The following SCAMP1 variants were observed in gnomAD, a reference collection of about 807,000 sequenced individuals.
SCAMP1 encodes secretory carrier-associated membrane protein 1.
A neutral mutation model predicts 41.8 loss-of-function variants in SCAMP1; 15 were observed. That is an observed-to-expected ratio of 0.36 (90% confidence interval 0.24 to 0.55). SCAMP1 has a LOEUF of 0.55. SCAMP1 is among the 20% of genes least tolerant of loss of function. The pLI is 0.86. For synonymous variants in SCAMP1, 135 were observed against 136.8 expected (o/e 0.99, Z 0.09); for missense variants, 341 against 412.6 (o/e 0.83, Z 1.50).
chr5:78,362,752 G>A (rs563685925), intron 1 of SCAMP1, among the ~76,000 whole-genome samples: 38 of 151,998 alleles, frequency 2.5e-4, no homozygotes, highest in Middle Eastern at 3.4e-3. Flanking sequence ...ACAAAGTATA[G>A]TTTTATATCT....
chr5:78,370,171 C>T (rs777381803), intron 1 of SCAMP1, among the ~76,000 whole-genome samples: 7 of 152,124 alleles, frequency 4.6e-5, no homozygotes, highest in Admixed American at 1.3e-4. Flanking sequence ...ATTGCTAAAC[C>T]GTAAGTGTAA....
chr5:78,447,865 CCCTTCCCCTACCCCT>C (rs1753094064), intron 6 of SCAMP1, among the ~76,000 whole-genome samples: 2 of 37,092 alleles, frequency 5.4e-5, no homozygotes, highest in African/African-American at 1.2e-4. Context: ...TCCCCTGCCC[CCCTTCCCCTACCCCT>C]TCCTCCCCCT....
At chr5:78,369,259 G>C (rs535872731) in intron 1 of SCAMP1, among the ~76,000 whole-genome samples, 5 of 151,966 alleles carry the variant, frequency 3.3e-5, no homozygotes, top group African/African-American at 1.2e-4. Flanking sequence ...GGCGTGCACC[G>C]CCACACCTGG....
intron 6 of SCAMP1, among the ~76,000 whole-genome samples, chr5:78,443,409 T>C (rs944880835): frequency 1.3e-5 from 2 of 152,054 alleles, no homozygotes; most frequent in African/African-American, 4.8e-5. Flanking sequence ...GTGTTTGACA[T>C]AGTGCTTGGC....
Position 78,449,944 on chromosome 5 carries a change from C to A in SCAMP1, c.644C>A (p.Ser215Ter), listed in dbSNP as rs751717405. 3 of 1,496,792 alleles carry A rather than the reference C, an allele frequency of 2.0e-6. No homozygotes were observed. Among genetic ancestry groups the A allele is most frequent in the Non-Finnish European group, 2.7e-6 (3 of 1,114,670 alleles). The allele number at this position is 1,496,792 out of a possible 1,614,324, so 92.7% of individuals were successfully genotyped here. A position where few individuals can be genotyped will look rare whatever the true frequency, so the allele number is the denominator to read the frequency against. The change falls in exon 7 of 9, where the codon TCA becomes TAA. Residue 215 changes from serine (S) to a stop codon, truncating the protein, a stop_gained. Transcript: ENST00000621999. LOFTEE classifies it high-confidence loss of function. ...TTTTTTTTTCAAAGGAGTGACAGTT[C>A]ATTTAGATTCTTTGTATTCTTCTTC... ...PLYGAFRSDS[S>*]FRFFVFFFVY...
intron 7 of SCAMP1, among the ~76,000 whole-genome samples, chr5:78,456,193 T>C (rs1753394811): frequency 8.0e-6 from 1 of 125,012 alleles, no homozygotes; most frequent in African/African-American, 3.2e-5. Context: ...CATTTAAAGT[T>C]AATATTGTTA....
chr5:78,397,169 A>G (rs552020502), intron 2 of SCAMP1, among the ~76,000 whole-genome samples: 2 of 152,352 alleles, frequency 1.3e-5, no homozygotes, highest in South Asian at 2.1e-4. Flanking sequence ...CTGACAGCCC[A>G]GAAATAAACA....
At chr5:78,429,274 A>AT (rs549909589) in intron 6 of SCAMP1, among the ~76,000 whole-genome samples, 4,175 of 139,040 alleles carry the variant, frequency 0.03, 72 homozygotes, top group South Asian at 0.039. Context: ...TTGACTGTAG[A>AT]TTTTTTTTTT....
At chr5:78,400,869 G>A (rs958505986) in intron 2 of SCAMP1, among the ~76,000 whole-genome samples, 8 of 152,106 alleles carry the variant, frequency 5.3e-5, no homozygotes, top group Middle Eastern at 3.4e-3. Context: ...AGGACTTCTA[G>A]TACAATGTTG....
chr5:78,378,175 A>G (rs1208938848), intron 1 of SCAMP1, among the ~76,000 whole-genome samples: 1 of 152,208 alleles, frequency 6.6e-6, no homozygotes, highest in Non-Finnish European at 1.5e-5. Context: ...GATACTAATC[A>G]TGAAACCCAA....
At chr5:78,431,534 C>CTTTTTTTTTTTTTTTTTTTTTTTTTT (rs11380148) in intron 6 of SCAMP1, among the ~76,000 whole-genome samples, 2 of 121,264 alleles carry the variant, frequency 1.6e-5, no homozygotes, top group Non-Finnish European at 3.4e-5. Flanking sequence ...TTCTTTTTGC[C>CTTTTTTTTTTTTTTTTTTTTTTTTTT]TTTTTTTTTT....
chr5:78,373,342 G>C (rs1456566613), intron 1 of SCAMP1, among the ~76,000 whole-genome samples: 1 of 151,994 alleles, frequency 6.6e-6, no homozygotes, highest in Non-Finnish European at 1.5e-5. Context: ...CAAGCTTTGG[G>C]AATACATTAA....
At position 78,399,733 on chromosome 5, in the gene SCAMP1, C is replaced by A. The variant is rs189224602; in HGVS notation, c.135+10819C>A. On this transcript the variant is annotated intron_variant, in intron 2 of 8. Coordinates refer to ENST00000621999, the MANE Select transcript of SCAMP1 (RefSeq NM_004866.6). ...TTTATCAGATGAGAATATTTTCTCC[C>A]AGTCTGTGGTTTCTGTTCTCATTCT... Among the ~76,000 whole-genome samples the A allele has an allele frequency of 6.0e-4, 92 of 152,214 alleles. 1 individual carries two copies. Among genetic ancestry groups the A allele is most frequent in the African/African-American group, 2.1e-3 (89 of 41,534 alleles).
intron 2 of SCAMP1, among the ~76,000 whole-genome samples, chr5:78,411,442 G>A (rs1473466262): frequency 6.6e-6 from 1 of 152,112 alleles, no homozygotes; most frequent in African/African-American, 2.4e-5. Flanking sequence ...AAAAATACAA[G>A]AAAATGCTCT....
chr5:78,452,829 C>G (rs1431595595), intron 7 of SCAMP1, among the ~76,000 whole-genome samples: 1 of 147,082 alleles, frequency 6.8e-6, no homozygotes, highest in African/African-American at 2.6e-5. Flanking sequence ...TCCTATTTCT[C>G]CACATCCTCT....
chr5:78,423,016 G>GCACACA (rs57059961), intron 6 of SCAMP1, among the ~76,000 whole-genome samples: 133 of 33,400 alleles, frequency 4.0e-3, no homozygotes, highest in African/African-American at 7.7e-3. Flanking sequence ...ACGCGCGCGC[G>GCACACA]CACACACACA....
chr5:78,372,054 A>G (rs934433029), intron 1 of SCAMP1, among the ~76,000 whole-genome samples: 1 of 152,248 alleles, frequency 6.6e-6, no homozygotes, highest in Non-Finnish European at 1.5e-5. Flanking sequence ...TCTCAAACAC[A>G]GTGAAAACAA....
At chr5:78,414,884 G>T (rs1221726632) in intron 2 of SCAMP1, among the ~76,000 whole-genome samples, 1 of 152,014 alleles carries the variant, frequency 6.6e-6, no homozygotes, top group Non-Finnish European at 1.5e-5. Context: ...CAAGAGGGAA[G>T]AGTTGGCAGT....
chr5:78,413,421 C>CTT (rs10661289), intron 2 of SCAMP1, among the ~76,000 whole-genome samples: 55,693 of 139,858 alleles, frequency 0.4, 12,286 homozygotes, highest in Non-Finnish European at 0.49. Context: ...TAGTTCCTGC[C>CTT]TTTTTTTTTT....
Sources: gnomAD v4.1 joint callset for allele counts (sites outside exome capture counted in the v4.1 genomes callset) on GRCh38, gnomAD v4.1.1 for gene constraint, MANE v1.5 for transcripts, NCBI Gene and HGNC (gene_info 2026-07-23, HGNC 2026-07-21) for gene names.